The following CCBE1 variants were observed in gnomAD, a reference collection of about 807,000 sequenced individuals.
CCBE1 encodes collagen and calcium binding EGF domains 1, also known as collagen and calcium-binding EGF domain-containing protein 1.
In CCBE1, 37 loss-of-function variants were observed where a neutral mutation model predicts 50.0. The ratio of observed to expected loss-of-function variants is 0.74; its 90% CI spans 0.57 to 0.97. CCBE1 has a LOEUF of 0.97. Among genes scored for constraint, CCBE1 ranks in the 50% least tolerant of loss-of-function variants. CCBE1 has a pLI of 0.00. For synonymous variants in CCBE1, 234 were observed against 203.7 expected (o/e 1.15, Z -1.27); for missense variants, 538 against 523.8 (o/e 1.03, Z -0.26).
Position 59,454,034 on chromosome 18 carries a change from G to A in CCBE1, c.654+817C>T, listed in dbSNP as rs138720097. 3.9e-3 allele frequency among the ~76,000 whole-genome samples: 592 copies of A among 152,260 alleles called. 1 individual carries two copies. The highest frequency in any genetic ancestry group is 0.013 in the African/African-American group (547 of 41,542). ...AGTACCCACAGGGCTGCTTTTCTAGGTGCAGGAAACTCAGAAAGGGCATAG... is the reference window on the plus strand; with the variant it reads ...AGTACCCACAGGGCTGCTTTTCTAGATGCAGGAAACTCAGAAAGGGCATAG... On this transcript the variant is annotated intron_variant, in intron 6 of 10. Coordinates refer to ENST00000439986, the MANE Select transcript of CCBE1 (RefSeq NM_133459.4).
At chr18:59,619,404 G>C (rs2053682545) in intron 2 of CCBE1, among the ~76,000 whole-genome samples, 1 of 152,136 alleles carries the variant, frequency 6.6e-6, no homozygotes, top group Non-Finnish European at 1.5e-5. Flanking sequence ...CTACAACCTT[G>C]AACTCCTAGG....
At chr18:59,639,624 G>C (rs2053958494) in intron 2 of CCBE1, among the ~76,000 whole-genome samples, 1 of 152,082 alleles carries the variant, frequency 6.6e-6, no homozygotes, top group Non-Finnish European at 1.5e-5. Context: ...ATTCAACTTA[G>C]TACTGGAAGT....
intron 2 of CCBE1, among the ~76,000 whole-genome samples, chr18:59,559,577 C>G (rs376677751): frequency 6.6e-6 from 1 of 152,248 alleles, no homozygotes; most frequent in Non-Finnish European, 1.5e-5. Flanking sequence ...CCTGTTACAG[C>G]TGGCGGAAGC....
At chr18:59,453,983 A>G (rs1424761764) in intron 6 of CCBE1, among the ~76,000 whole-genome samples, 3 of 152,194 alleles carry the variant, frequency 2.0e-5, no homozygotes, top group Admixed American at 1.3e-4. Flanking sequence ...TATAAAGTGC[A>G]TTAGTCCTCA....
intron 2 of CCBE1, among the ~76,000 whole-genome samples, chr18:59,482,804 G>A (rs895703952): frequency 6.6e-6 from 1 of 151,682 alleles, no homozygotes; most frequent in African/African-American, 2.4e-5. Flanking sequence ...ATGAGAAGCT[G>A]AGAATTAACC....
At chr18:59,617,914 T>C (rs1285598100) in intron 2 of CCBE1, among the ~76,000 whole-genome samples, 1 of 152,176 alleles carries the variant, frequency 6.6e-6, no homozygotes, top group East Asian at 1.9e-4. Context: ...GACTTTCATA[T>C]CATGCAGAAT....
At chr18:59,603,146 C>T (rs1357991955) in intron 2 of CCBE1, among the ~76,000 whole-genome samples, 1 of 152,182 alleles carries the variant, frequency 6.6e-6, no homozygotes, top group Admixed American at 6.5e-5. Context: ...TGTGTATCCG[C>T]CATAGCCAAA....
intron 2 of CCBE1, among the ~76,000 whole-genome samples, chr18:59,493,811 A>G (rs901257834): frequency 1.3e-5 from 2 of 152,220 alleles, no homozygotes; most frequent in African/African-American, 4.8e-5. Flanking sequence ...CCCACATGTC[A>G]TAGGAGGAAC....
chr18:59,644,208 A>G (rs948134468), intron 2 of CCBE1, among the ~76,000 whole-genome samples: 2 of 152,182 alleles, frequency 1.3e-5, no homozygotes, highest in Admixed American at 6.5e-5. Flanking sequence ...TCCTGCCACC[A>G]TGAGAATCTA....
intron 2 of CCBE1, among the ~76,000 whole-genome samples, chr18:59,544,642 CGTT>C (rs1160717567): frequency 2.0e-5 from 3 of 152,034 alleles, no homozygotes; most frequent in South Asian, 4.2e-4. Context: ...AAGTTAGTAA[CGTT>C]GTCTTTCTTA....
Position 59,449,450 on chromosome 18 carries a change from T to G in CCBE1, c.655-1347A>C, listed in dbSNP as rs116872520. Among the ~76,000 whole-genome samples, 1,472 of 151,770 alleles carry G rather than the reference T, an allele frequency of 9.7e-3. 72 individuals are homozygous for G. The East Asian group carries it at 0.15, about 16-fold the overall frequency. On this transcript the variant is annotated intron_variant, in intron 6 of 10. Coordinates refer to ENST00000439986, the MANE Select transcript of CCBE1 (RefSeq NM_133459.4). ...CAGCCTGGCCAACATGGTGGAACAC[T>G]ATCTCCACTAAAAATACAAAAATTA...
In CCBE1 at chr18:59,463,717, A is replaced by G. The variant is rs867948218; in HGVS notation, c.553+3022T>C. 3.9e-5 allele frequency among the ~76,000 whole-genome samples: 6 copies of G among 152,020 alleles called. No individual in the cohort carries two copies. In the South Asian group the frequency reaches 8.3e-4, roughly 21 times the overall value. Reference sequence around the variant, plus strand: ...TTCTATATCCCAACATCGAATCTCAACCTAACCCCCAGCAGTATTGCGTTT... The same window carrying G: ...TTCTATATCCCAACATCGAATCTCAGCCTAACCCCCAGCAGTATTGCGTTT... On this transcript the variant is annotated intron_variant, in intron 5 of 10. Transcript: ENST00000439986.
chr18:59,531,894 A>C (rs1000897701), intron 2 of CCBE1, among the ~76,000 whole-genome samples: 2 of 152,228 alleles, frequency 1.3e-5, no homozygotes, highest in African/African-American at 4.8e-5. Flanking sequence ...ACTATTGTGA[A>C]GATCAGCCTC....
chr18:59,526,532 A>T (rs2144340727), intron 2 of CCBE1, among the ~76,000 whole-genome samples: 1 of 151,984 alleles, frequency 6.6e-6, no homozygotes, highest in East Asian at 1.9e-4. Context: ...GCTGGTCTCG[A>T]ACTCCTGACC....
intron 1 of CCBE1, 77 bp downstream of exon 1, chr18:59,697,135 G>A: frequency 1.3e-6 from 2 of 1,537,302 alleles, no homozygotes; most frequent in Non-Finnish European, 1.8e-6. Flanking sequence ...TGGGCGCCGG[G>A]GAGGACCGCC....
At position 59,438,184 on chromosome 18, in the gene CCBE1, C is replaced by A. The variant is rs766979643; in HGVS notation, c.952-38G>T. 3.1e-6 allele frequency: 5 copies of A among 1,592,174 alleles called. No individual in the cohort carries two copies. In the East Asian group the frequency reaches 1.1e-4, roughly 36 times the overall value. On this transcript the variant is annotated intron_variant, in intron 9 of 10. Transcript: ENST00000439986. ...AGGCCAGGGTTAGCTTTCTAGAGCA[C>A]ATGGATATCACAAGAATAGTCTCTA...
intron 3 of CCBE1, among the ~76,000 whole-genome samples, chr18:59,474,573 C>G (rs1032664091): frequency 4.6e-5 from 7 of 152,140 alleles, no homozygotes; most frequent in African/African-American, 1.7e-4. Flanking sequence ...TTACCGAAAC[C>G]CTCCTTTTTC....
intron 2 of CCBE1, among the ~76,000 whole-genome samples, chr18:59,564,834 C>T (rs2052795880): frequency 6.6e-6 from 1 of 152,184 alleles, no homozygotes; most frequent in African/African-American, 2.4e-5. Flanking sequence ...ACAGCCTGGC[C>T]TTGGTCCATG....
intron 2 of CCBE1, among the ~76,000 whole-genome samples, chr18:59,673,860 A>AT (rs2054465577): frequency 6.6e-6 from 1 of 152,080 alleles, no homozygotes; most frequent in Non-Finnish European, 1.5e-5. Context: ...TTTATTGAGG[A>AT]TTTTCACATC....
Sources: allele counts gnomAD v4.1 joint callset (sites outside exome capture counted in the v4.1 genomes callset), GRCh38; gene constraint gnomAD v4.1.1; transcripts MANE v1.5; gene names NCBI Gene and HGNC (gene_info 2026-07-23, HGNC 2026-07-21).